The following HK3 variants were observed in gnomAD, a reference collection of about 807,000 sequenced individuals.
HK3 encodes hexokinase-3.
In HK3, 93 loss-of-function variants were observed where a neutral mutation model predicts 91.0. The observed-to-expected ratio is 1.02, with a 90% CI of 0.86 to 1.21. The LOEUF (loss-of-function observed/expected upper bound fraction) is 1.21, where lower values mean the gene tolerates loss of function less well. Ranked by LOEUF, HK3 falls within the 50% of genes most tolerant of loss-of-function variation. The pLI is 0.00. For synonymous variants in HK3, 519 were observed against 516.9 expected, an observed-to-expected ratio of 1.00 and a Z score of -0.06; for missense variants, 1,235 against 1,247.4, an observed-to-expected ratio of 0.99 and a Z score of 0.15.
intron 10 of HK3, among the ~76,000 whole-genome samples, chr5:176,888,103 G>A (rs1020478301): frequency 7.9e-5 from 12 of 152,060 alleles, no homozygotes; most frequent in African/African-American, 2.9e-4. Flanking sequence ...CTGTGCACCA[G>A]CCATACGCCC....
Position 176,887,749 on chromosome 5 carries a change from A to T in HK3, c.1305-3T>A, listed in dbSNP as rs769699971. On this transcript the variant is annotated splice_polypyrimidine_tract_variant and splice_region_variant and intron_variant, in intron 10 of 18. Coordinates refer to ENST00000292432, the MANE Select transcript of HK3 (RefSeq NM_002115.3). This position sits in a 1 kb window ranked among gnomAD's most constrained non-coding sequence, Gnocchi z 4.9. The stretch of plus-strand genomic sequence containing the variant: ...TCCCCTGCAGGACGCTGCAGAACCT[A>T]CAGATACATACAGGTGCACCCGGCT... 6.3e-7 allele frequency: 1 copy of T among 1,598,452 alleles called. No homozygotes were observed. The highest frequency in any genetic ancestry group is 1.1e-5 in the South Asian group (1 of 89,668).
At chr5:176,886,858 G>A in intron 13 of HK3, 144 bp downstream of exon 13, 1 of 945,412 alleles carries the variant, frequency 1.1e-6, no homozygotes, top group Non-Finnish European at 1.6e-6. Flanking sequence ...GAGGCTGTGT[G>A]CAAGCCCAGC....
At chr5:176,888,159 C>T (rs75391723) in intron 10 of HK3, among the ~76,000 whole-genome samples, 173 bp downstream of exon 10, 4 of 152,182 alleles carry the variant, frequency 2.6e-5, no homozygotes, top group African/African-American at 7.2e-5. Flanking sequence ...AGGGAAGCAT[C>T]GTTTCTCTCC....
In HK3 at chr5:176,891,533, C is replaced by T; in HGVS notation, c.114G>A (p.Gln38=). The change falls in exon 3 of 19, where the codon CAG becomes CAA. Residue 38 remains glutamine (Q), a synonymous_variant. Transcript: ENST00000292432. ...DSSELVQECL[Q]QFKVTRAQLQ... ...GCTGTGCCCTTGTCACCTTGAACTG[C>T]TGCAGGCACTCCTGCACCTGGGGAG... 1 of 1,612,898 alleles carries T rather than the reference C, an allele frequency of 6.2e-7. No individual in the cohort carries two copies. The highest frequency in any genetic ancestry group is 8.5e-7 in the Non-Finnish European group (1 of 1,179,390).
chr5:176,889,453 C>T lies in HK3; in HGVS notation c.842G>A (p.Gly281Glu). 1 of 1,614,204 alleles carries T rather than the reference C, an allele frequency of 6.2e-7. No individual in the cohort carries two copies. The highest frequency in any genetic ancestry group is 1.1e-5 in the South Asian group (1 of 91,090). ...SVEWGSFSDDGALGPVLTTFD... is the reference protein window; with the variant it reads ...SVEWGSFSDDEALGPVLTTFD... ...GGTGGTCAGCACTGGTCCCAGCGCCCCATCATCGCTGAAGGAGCCCCACTC... is the reference window on the plus strand; with the variant it reads ...GGTGGTCAGCACTGGTCCCAGCGCCTCATCATCGCTGAAGGAGCCCCACTC... The change falls in exon 8 of 19, where the codon GGG (glycine) becomes GAG (glutamate). Residue 281 changes from glycine to glutamate, a missense_variant. Gly to Glu is a moderately conservative substitution (Grantham distance 98, BLOSUM62 -2). Around this residue, in one of 3 missense-constraint regions of HK3, gnomAD observed 717 missense variants for 751.6 expected, o/e 0.95. Coordinates refer to ENST00000292432, the MANE Select transcript of HK3 (RefSeq NM_002115.3).
intron 10 of HK3, 148 bp downstream of exon 10, chr5:176,888,184 G>T (rs2149375341): frequency 1.5e-6 from 1 of 683,044 alleles, no homozygotes; most frequent in Non-Finnish European, 2.6e-6. Flanking sequence ...ATGTCTTCTG[G>T]CCTCCCATAG....
At chr5:176,897,342 G>C (rs1212050562) in intron 1 of HK3, among the ~76,000 whole-genome samples, 2 of 152,164 alleles carry the variant, frequency 1.3e-5, no homozygotes, top group Non-Finnish European at 2.9e-5. Context: ...AGCCCTCAGT[G>C]AGTCAGGTGC....
chr5:176,895,568 C>T (rs1268677855), intron 2 of HK3, among the ~76,000 whole-genome samples: 1 of 152,208 alleles, frequency 6.6e-6, no homozygotes, highest in Non-Finnish European at 1.5e-5. Context: ...AAGAAACTCA[C>T]TTCTGAGCAA....
At chr5:176,886,198 A>C (rs1032038052) in intron 13 of HK3, among the ~76,000 whole-genome samples, 3 of 151,638 alleles carry the variant, frequency 2.0e-5, no homozygotes, top group Non-Finnish European at 2.9e-5. Context: ...ATGCCATTGC[A>C]CTCCAACCTG....
Position 176,887,386 on chromosome 5 carries a change from C to T in HK3, c.1601-49G>A, listed in dbSNP as rs1758623056. 1 of 1,613,254 alleles carries T rather than the reference C, an allele frequency of 6.2e-7. No individual in the cohort carries two copies. Among genetic ancestry groups the T allele is most frequent in the East Asian group, 2.2e-5 (1 of 44,884 alleles). On this transcript the variant is annotated intron_variant, in intron 11 of 18. Transcript: ENST00000292432. The surrounding 1 kb of genome is among the most constrained non-coding windows in gnomAD (Gnocchi z 4.9). ...GCCGGGATAGGGCTTGTGGCTCCAG[C>T]CCCAGCACACACTGGGACCCCCAGG...
In HK3 at chr5:176,887,274, A is replaced by G. The variant is rs1195201320; in HGVS notation, c.1664T>C (p.Val555Ala). 4 of 1,613,958 alleles carry G rather than the reference A, an allele frequency of 2.5e-6. No homozygotes were observed. In the African/African-American group the frequency reaches 5.3e-5, roughly 22 times the overall value. Residue 555 changes from valine to alanine, a missense_variant, in exon 12 of 19, where the codon GTG becomes GCG. Coordinates refer to ENST00000292432, the MANE Select transcript of HK3 (RefSeq NM_002115.3). This position sits in a 1 kb window ranked among gnomAD's most constrained non-coding sequence, Gnocchi z 4.9. ...GTNFRVLLVRVTTGVQITSEI... is the reference protein window; with the variant it reads ...GTNFRVLLVRATTGVQITSEI... ...GCTGGTGATCTGCACGCCTGTGGTC[A>G]CACGTACCAGGAGGACACGGAAGTT...
At chr5:176,886,872 G>A (rs1758596911) in intron 13 of HK3, 130 bp downstream of exon 13, 17 of 1,058,384 alleles carry the variant, frequency 1.6e-5, no homozygotes, top group South Asian at 3.1e-5. Context: ...GCCCAGCCCA[G>A]CAGTGCTGCC....
At chr5:176,889,336 T>C (rs748749526) in intron 8 of HK3, 45 bp downstream of exon 8, 25 of 1,592,250 alleles carry the variant, frequency 1.6e-5, no homozygotes, top group Non-Finnish European at 2.1e-5. Context: ...AGAGCAGTCA[T>C]AGACAGGGCC....
In HK3 at chr5:176,894,527, C is replaced by T. The variant is rs114401382; in HGVS notation, c.96+1537G>A. Among the ~76,000 whole-genome samples the T allele has an allele frequency of 7.3e-3, 1,105 of 152,316 alleles. 14 individuals are homozygous for T. Among genetic ancestry groups the T allele is most frequent in the African/African-American group, 0.025 (1,057 of 41,566 alleles). The stretch of plus-strand genomic sequence containing the variant: ...AGAGCCAGTCCTGGCTGGGCAGGCA[C>T]TGTGGCCCAGCCACCGCTGTCACTC... On this transcript the variant is annotated intron_variant, in intron 2 of 18. Transcript: ENST00000292432.
rs1261739749 is a variant in HK3 at position 176,890,740 on chromosome 5, G to A, written c.535-10C>T. 6.2e-7 allele frequency: 1 copy of A among 1,614,060 alleles called. No individual in the cohort carries two copies. Among genetic ancestry groups the A allele is most frequent in the Non-Finnish European group, 8.5e-7 (1 of 1,180,042 alleles). ...AGGAAATGAGGGTGCTCTGGAGGTA[G>A]AGAAGCTGGGTTACTCCTCTGACGG... On this transcript the variant is annotated splice_polypyrimidine_tract_variant and intron_variant, in intron 5 of 18. Coordinates refer to ENST00000292432, the MANE Select transcript of HK3 (RefSeq NM_002115.3).
intron 1 of HK3, among the ~76,000 whole-genome samples, chr5:176,896,698 G>C (rs1758917366): frequency 6.6e-6 from 1 of 152,200 alleles, no homozygotes; most frequent in South Asian, 2.1e-4. Flanking sequence ...CAGCCATTGT[G>C]CCAGGCTAAG....
chr5:176,885,439 T>A (rs1758558814), intron 13 of HK3, among the ~76,000 whole-genome samples: 1 of 152,110 alleles, frequency 6.6e-6, no homozygotes, highest in South Asian at 2.1e-4. Context: ...ATTTTTTTTT[T>A]AAGATGGAGT....
intron 1 of HK3, 25 bp from the exon 2 acceptor site, chr5:176,896,210 G>C: frequency 7.2e-7 from 1 of 1,396,484 alleles, no homozygotes; most frequent in South Asian, 1.3e-5. Context: ...GGACAACCTG[G>C]GTCAACCATT....
In HK3 at chr5:176,887,064, C is replaced by T. The variant is rs140696619; in HGVS notation, c.1795G>A (p.Gly599Arg). 1.8e-5 allele frequency: 29 copies of T among 1,614,066 alleles called. No individual in the cohort carries two copies. The African/African-American group carries it at 2.3e-4, about 13-fold the overall frequency. ...VDFQQKQGLS[G>R]QSLPLGFTFS... ...GTAAAACCCAGTGGGAGGCTCTGCCCGCTCAGGCCCTGCTTCTGCTGGAAG... is the reference window on the plus strand; with the variant it reads ...GTAAAACCCAGTGGGAGGCTCTGCCTGCTCAGGCCCTGCTTCTGCTGGAAG... The change falls in exon 13 of 19, where the codon GGG becomes AGG. Residue 599 changes from glycine (G) to arginine (R), a missense_variant. By Grantham distance (125) the Gly-to-Arg change is moderately radical (BLOSUM62 -2). Around this residue, in one of 3 missense-constraint regions of HK3, gnomAD observed 513 missense variants for 477.4 expected, o/e 1.07. Transcript: ENST00000292432. This position sits in a 1 kb window ranked among gnomAD's most constrained non-coding sequence, Gnocchi z 4.9.
Sources: gnomAD v4.1 joint callset for allele counts (sites outside exome capture counted in the v4.1 genomes callset) on GRCh38, gnomAD v4.1.1 for gene constraint, gnomAD v4.1.1 regional missense constraint, Gnocchi (gnomAD v3.1) non-coding constraint, MANE v1.5 for transcripts, NCBI Gene and HGNC (gene_info 2026-07-23, HGNC 2026-07-21) for gene names.